Variants in NELFB observed in about 807,000 individuals in gnomAD.
NELFB encodes negative elongation factor complex member B.
A neutral mutation model predicts 60.2 loss-of-function variants in NELFB; 34 were observed. The observed-to-expected ratio is 0.56, with a 90% CI of 0.43 to 0.75. The LOEUF is 0.75. Ranked by LOEUF, NELFB falls within the 30% of genes least tolerant of loss-of-function variation. NELFB has a pLI of 0.00. For missense variants in NELFB, 770 were observed against 831.6 expected (o/e 0.93, Z 0.91); for synonymous variants, 459 against 382.1 (o/e 1.20, Z -2.35).
Position 137,255,509 on chromosome 9 carries a change from C to T in NELFB, c.144C>T (p.Ala48=), listed in dbSNP as rs1347904361. 1 of 1,535,346 alleles carries T rather than the reference C, an allele frequency of 6.5e-7. No individual in the cohort carries two copies. The highest frequency in any genetic ancestry group is 2.0e-5 in the Admixed American group (1 of 49,814). ...GCCGGGCGGTGGCCGGGGCCTCGGC[C>T]ATGTTCGCGGGGCTGCAGGACCTGG... The change falls in exon 1 of 13, where the codon GCC becomes GCT. Residue 48 remains alanine (A), a synonymous_variant. Coordinates refer to ENST00000343053, the MANE Select transcript of NELFB (RefSeq NM_015456.5).
chr9:137,265,512 C>G (rs1357092024), intron 6 of NELFB, among the ~76,000 whole-genome samples: 2 of 151,496 alleles, frequency 1.3e-5, no homozygotes, highest in East Asian at 3.9e-4. Flanking sequence ...CCTCAGCCTC[C>G]CGAGTAGCTG....
intron 4 of NELFB, among the ~76,000 whole-genome samples, chr9:137,258,722 T>G (rs894176146): frequency 6.6e-6 from 1 of 152,148 alleles, no homozygotes; most frequent in African/African-American, 2.4e-5. Context: ...CCCAAAGTGC[T>G]GGGATTACAA....
At position 137,258,091 on chromosome 9, in the gene NELFB, C is replaced by T. The variant is rs539794782; in HGVS notation, c.741+1037C>T. On this transcript the variant is annotated intron_variant, in intron 4 of 12. Coordinates refer to ENST00000343053, the MANE Select transcript of NELFB (RefSeq NM_015456.5). ...AAGTGCTGGGATTACAGACATGAGG[C>T]ACCATGCCTAGCCGAGATTTGTTGG... 8.2e-5 allele frequency among the ~76,000 whole-genome samples: 12 copies of T among 146,654 alleles called. 1 individual carries two copies. The South Asian group carries it at 2.4e-3, about 29-fold the overall frequency.
intron 8 of NELFB, among the ~76,000 whole-genome samples, chr9:137,266,668 G>A (rs566375998): frequency 5.7e-4 from 86 of 152,046 alleles, no homozygotes; most frequent in South Asian, 2.1e-3. Context: ...GGGTGTCTCC[G>A]TGGACCGTGG....
At chr9:137,263,583 C>T (rs1324395962) in intron 5 of NELFB, among the ~76,000 whole-genome samples, 1 of 151,082 alleles carries the variant, frequency 6.6e-6, no homozygotes, top group East Asian at 2.0e-4. Flanking sequence ...GGGCGCCCTT[C>T]TCTCCCATGC....
At chr9:137,263,260 A>G in intron 5 of NELFB, 38 bp downstream of exon 5, 1 of 1,509,342 alleles carries the variant, frequency 6.6e-7, no homozygotes. Flanking sequence ...TACCCTCCTG[A>G]AGGTAGTGCT....
rs1380595651 is a variant in NELFB at position 137,255,447 on chromosome 9, G to T, written c.82G>T (p.Ala28Ser). 16 of 1,418,194 alleles carry T rather than the reference G, an allele frequency of 1.1e-5. No homozygotes were observed. Among genetic ancestry groups the T allele is most frequent in the Admixed American group, 2.7e-5 (1 of 37,454 alleles). 87.9% of individuals were successfully genotyped at this position (1,418,194 alleles called of 1,614,324 possible). Residue 28 changes from alanine (A) to serine (S), a missense_variant, in exon 1 of 13, where the codon GCG (alanine) becomes TCG (serine). Ala to Ser is a moderately conservative substitution (Grantham distance 99). Coordinates refer to ENST00000343053, the MANE Select transcript of NELFB (RefSeq NM_015456.5). ...GGAGCGGGCTTCTGGGGTGTCTGCG[G>T]CGGCGCCGGGGGAACGGGCTGGGGA... is the stretch of plus-strand genomic sequence containing the variant.
chr9:137,258,781 C>T (rs1027905214), intron 4 of NELFB, among the ~76,000 whole-genome samples: 8 of 151,966 alleles, frequency 5.3e-5, no homozygotes, highest in South Asian at 2.1e-4. Context: ...TAGCACTGTT[C>T]AGTGGAAAAA....
Position 137,267,003 on chromosome 9 carries a change from C to T in NELFB, c.1299C>T (p.Tyr433=), listed in dbSNP as rs757226119. 12 of 1,614,040 alleles carry T rather than the reference C, an allele frequency of 7.4e-6. No individual in the cohort carries two copies. The South Asian group carries it at 1.1e-4, about 15-fold the overall frequency. The change falls in exon 9 of 13, where the codon TAC becomes TAT. Residue 433 remains tyrosine (Y), a synonymous_variant. Coordinates refer to ENST00000343053, the MANE Select transcript of NELFB (RefSeq NM_015456.5). ...TCATGTCCTTCCTGGTGGATGACTA[C>T]ACTTTCAATGTGGATCAGAAACTTC...
intron 4 of NELFB, among the ~76,000 whole-genome samples, chr9:137,258,723 G>A (rs1226930175): frequency 1.3e-5 from 2 of 152,056 alleles, no homozygotes; most frequent in Non-Finnish European, 2.9e-5. Flanking sequence ...CCAAAGTGCT[G>A]GGATTACAAG....
chr9:137,272,876 C>T lies in NELFB; in HGVS notation c.1835C>T (p.Thr612Met), dbSNP rs949230071. The change falls in exon 13 of 13, where the codon ACG becomes ATG. Residue 612 changes from threonine to methionine, a missense_variant. Coordinates refer to ENST00000343053, the MANE Select transcript of NELFB (RefSeq NM_015456.5). ...CCCAGCCCGGCACAGGCTGCGGAGA[C>T]GCCGGCCCTGGAGCTGCCCCTCCCC... 4.5e-6 allele frequency: 7 copies of T among 1,547,808 alleles called. No individual in the cohort carries two copies. The highest frequency in any genetic ancestry group is 2.4e-5 in the East Asian group (1 of 40,856).
rs1830606645 is a variant in NELFB, at chr9:137,273,174, C to G, written c.*246C>G. 7.1e-6 allele frequency: 3 copies of G among 419,692 alleles called. No homozygotes were observed. The highest frequency in any genetic ancestry group is 8.4e-6 in the Non-Finnish European group (2 of 238,156). The allele number at this position is 419,692 out of a possible 1,614,324, so 26.0% of individuals were successfully genotyped here. The stretch of plus-strand genomic sequence containing the variant: ...TACTTTGGCAGCCATAGAAAGCGTG[C>G]TCATTTTCTGTTTTCCTGTGTTAGG... On this transcript the variant is annotated 3_prime_UTR_variant, in exon 13 of 13. Coordinates refer to ENST00000343053, the MANE Select transcript of NELFB (RefSeq NM_015456.5).
chr9:137,265,866 C>T lies in NELFB; in HGVS notation c.1041-11C>T. ...AGGCGTCGCATTAATGCCAGGGCGG[C>T]CTCCTTCCAGGGACCTGTCCATGAT... On this transcript the variant is annotated splice_polypyrimidine_tract_variant and intron_variant, in intron 6 of 12. Transcript: ENST00000343053. 1.9e-6 allele frequency: 3 copies of T among 1,599,676 alleles called. No homozygotes were observed. The highest frequency in any genetic ancestry group is 2.2e-5 in the East Asian group (1 of 44,814).
At chr9:137,265,310 C>A (rs557380515) in intron 6 of NELFB, among the ~76,000 whole-genome samples, 27 of 146,218 alleles carry the variant, frequency 1.8e-4, no homozygotes, top group South Asian at 1.1e-3. Context: ...CACACCCAGC[C>A]TTTTTTTTGT....
rs757737702 is a variant in NELFB, at chr9:137,264,303, G to A, written c.986G>A (p.Arg329Gln). Residue 329 changes from arginine to glutamine, a missense_variant, in exon 6 of 13, where the codon CGG becomes CAG. Coordinates refer to ENST00000343053, the MANE Select transcript of NELFB (RefSeq NM_015456.5). ...CGGTTCGTGGACAGCAAGAGGGCGC[G>A]GGAGCTGCAGGGGTTTCTCGATGGC... The A allele has an allele frequency of 2.5e-6, 4 of 1,604,242 alleles. No homozygotes were observed. Among genetic ancestry groups the A allele is most frequent in the Non-Finnish European group, 3.4e-6 (4 of 1,176,570 alleles).
At position 137,272,846 on chromosome 9, in the gene NELFB, G is replaced by C. The variant is rs759664897; in HGVS notation, c.1805G>C (p.Arg602Pro). The change falls in exon 13 of 13, where the codon CGG becomes CCG. Residue 602 changes from arginine to proline, a missense_variant. Physicochemically the swap from Arg to Pro is moderately radical, Grantham distance 103. Transcript: ENST00000343053. ...GAGAAGCTGGAACAGCTGGATCACC[G>C]GAAGCCCAGCCCGGCACAGGCTGCG... 1 of 1,549,918 alleles carries C rather than the reference G, an allele frequency of 6.5e-7. No individual in the cohort carries two copies. The highest frequency in any genetic ancestry group is 8.7e-7 in the Non-Finnish European group (1 of 1,146,684).
intron 7 of NELFB, 28 bp from the exon 8 acceptor site, chr9:137,266,303 A>C: frequency 2.5e-6 from 4 of 1,592,848 alleles, no homozygotes; most frequent in Non-Finnish European, 2.6e-6. Context: ...GCTGCCTGGG[A>C]GAGGCGCTGA....
chr9:137,262,428 G>C (rs1362214971), intron 4 of NELFB, among the ~76,000 whole-genome samples: 2 of 152,178 alleles, frequency 1.3e-5, no homozygotes, highest in African/African-American at 2.4e-5. Context: ...TCGCACTCTT[G>C]TCTTCTGGTC....
At chr9:137,262,359 T>C (rs1340179915) in intron 4 of NELFB, among the ~76,000 whole-genome samples, 4 of 152,196 alleles carry the variant, frequency 2.6e-5, no homozygotes, top group Non-Finnish European at 5.9e-5. Flanking sequence ...TCCCAGATGC[T>C]GGCGTCACCG....
Sources: gnomAD v4.1 joint callset for allele counts (sites outside exome capture counted in the v4.1 genomes callset) on GRCh38, gnomAD v4.1.1 for gene constraint, MANE v1.5 for transcripts, NCBI Gene and HGNC (gene_info 2026-07-23, HGNC 2026-07-21) for gene names.